The following ZNF442 variants were observed in gnomAD, a reference collection of about 807,000 sequenced individuals.
ZNF442 encodes zinc finger protein 442.
A neutral mutation model predicts 57.0 loss-of-function variants in ZNF442; 45 were observed. The observed-to-expected ratio is 0.79, with a 90% CI of 0.62 to 1.01. The LOEUF (loss-of-function observed/expected upper bound fraction) is 1.01. Ranked by LOEUF, ZNF442 falls within the 50% of genes least tolerant of loss-of-function variation. The pLI, the probability that ZNF442 is intolerant of heterozygous loss-of-function variation, is 0.00. For synonymous variants in ZNF442, 213 were observed against 241.8 expected, an observed-to-expected ratio of 0.88 and a Z score of 1.10; for missense variants, 690 against 756.5, an observed-to-expected ratio of 0.91 and a Z score of 1.03.
rs567286242 is a variant in ZNF442, at chr19:12,348,592, T to C, written c.*1109A>G. The C allele has an allele frequency of 3.3e-5, 5 of 152,300 alleles. No homozygotes were observed. Among genetic ancestry groups the C allele is most frequent in the Non-Finnish European group, 7.4e-5 (5 of 68,024 alleles). The allele number at this position is 152,300 out of a possible 1,614,324, so 9.4% of individuals were successfully genotyped here. A position where few individuals can be genotyped will look rare whatever the true frequency, so the allele number is the denominator to read the frequency against. On this transcript the variant is annotated 3_prime_UTR_variant, in exon 6 of 6. Coordinates refer to ENST00000242804, the MANE Select transcript of ZNF442 (RefSeq NM_030824.3). The stretch of plus-strand genomic sequence containing the variant: ...CATGCTGAACAGATTCTGACATTAG[T>C]ATTATTTAGTCTCTTCCAAACTCAG...
At position 12,350,169 on chromosome 19, in the gene ZNF442, G is replaced by T. The variant is rs1205783567; in HGVS notation, c.1416C>A (p.Phe472Leu). Reference sequence around the variant, plus strand: ...TTGTTTCATGATTTTGAAAGGAATAGAAATCAATAAAGGCTTTCCCACATT... The same window carrying T: ...TTGTTTCATGATTTTGAAAGGAATATAAATCAATAAAGGCTTTCCCACATT... Reference protein sequence around the residue: ...KCKCGKAFIDFYSFQNHETTH... With the variant: ...KCKCGKAFIDLYSFQNHETTH... The change falls in exon 6 of 6, where the codon TTC becomes TTA. Residue 472 changes from phenylalanine (F) to leucine (L), a missense_variant. By Grantham distance (22) the Phe-to-Leu change is conservative. Transcript: ENST00000242804. The T allele has an allele frequency of 1.2e-6, 2 of 1,613,652 alleles. No individual in the cohort carries two copies. Among genetic ancestry groups the T allele is most frequent in the Non-Finnish European group, 1.7e-6 (2 of 1,179,904 alleles).
chr19:12,353,009 T>C lies in ZNF442; in HGVS notation c.184A>G (p.Ile62Val), dbSNP rs1277351938. 2 of 1,610,772 alleles carry C rather than the reference T, an allele frequency of 1.2e-6. No homozygotes were observed. The highest frequency in any genetic ancestry group is 1.7e-6 in the Non-Finnish European group (2 of 1,179,182). ...SLYRDVMWET[I>V]RNLDCIGMKW... The stretch of plus-strand genomic sequence containing the variant: ...TTACCTATACAGTCCAGGTTCCTAA[T>C]GGTTTCCCACATCACATCTCTGTAC... The change falls in exon 4 of 6, where the codon ATT (isoleucine) becomes GTT (valine). Residue 62 changes from isoleucine to valine, a missense_variant. Transcript: ENST00000242804.
intron 3 of ZNF442, among the ~76,000 whole-genome samples, chr19:12,357,407 A>G (rs1186324050): frequency 1.5e-5 from 2 of 134,676 alleles, no homozygotes; most frequent in African/African-American, 2.8e-5. Context: ...GCTGGAGCGC[A>G]ATGGTGCAAT....
At chr19:12,352,874 G>A (rs1969266515) in intron 4 of ZNF442, 114 bp downstream of exon 4, 7 of 1,301,944 alleles carry the variant, frequency 5.4e-6, no homozygotes, top group Non-Finnish European at 7.3e-6. Context: ...TTAACCCTGT[G>A]TTGTTGAAGG....
chr19:12,364,108 A>C (rs955082613), intron 2 of ZNF442, among the ~76,000 whole-genome samples: 13 of 152,256 alleles, frequency 8.5e-5, no homozygotes, highest in East Asian at 5.8e-4. Flanking sequence ...TCAGGAACAC[A>C]AATCTTTTAA....
Position 12,349,026 on chromosome 19 carries a change from C to CAAAAAAAAAAAAAAAAAAA in ZNF442, c.*656_*674dup, listed in dbSNP as rs146226078. On this transcript the variant is annotated 3_prime_UTR_variant, in exon 6 of 6. Transcript: ENST00000242804. ...TGAAACCCCGTCTCTACTAAAAATACAAAAAAAAAAAAAAAAAAAAAAAAA... is the reference window on the plus strand; with the variant it reads ...TGAAACCCCGTCTCTACTAAAAATACAAAAAAAAAAAAAAAAAAAAAAAAAAAAAAAAAAAAAAAAAAAA... 3.4e-5 allele frequency: 2 copies of CAAAAAAAAAAAAAAAAAAA among 58,986 alleles called. No individual in the cohort carries two copies. The highest frequency in any genetic ancestry group is 5.1e-5 in the African/African-American group (1 of 19,482). 3.7% of individuals were successfully genotyped at this position (58,986 alleles called of 1,614,324 possible).
At position 12,359,999 on chromosome 19, in the gene ZNF442, C is replaced by G. The variant is rs138629698; in HGVS notation, c.78+3555G>C. 1.7e-3 allele frequency among the ~76,000 whole-genome samples: 260 copies of G among 152,032 alleles called. 1 individual carries two copies. The highest frequency in any genetic ancestry group is 6.2e-3 in the African/African-American group (256 of 41,484). On this transcript the variant is annotated intron_variant, in intron 3 of 5. Coordinates refer to ENST00000242804, the MANE Select transcript of ZNF442 (RefSeq NM_030824.3). ...TCTCAAGAAAAAAAAAAATCTGATT[C>G]TCACCCTCCATCCTGCCCTCCCCTT...
rs967535082 is a variant in ZNF442, at chr19:12,350,554, G to T, written c.1031C>A (p.Thr344Asn). 28 of 1,613,740 alleles carry T rather than the reference G, an allele frequency of 1.7e-5. No individual in the cohort carries two copies. The highest frequency in any genetic ancestry group is 3.3e-5 in the Admixed American group (2 of 59,970). The change falls in exon 6 of 6, where the codon ACT (threonine) becomes AAT (asparagine). Residue 344 changes from threonine to asparagine, a missense_variant. Transcript: ENST00000242804. Reference protein sequence around the residue: ...GSFQRHMIRHTGDGPHKCKIC... With the variant: ...GSFQRHMIRHNGDGPHKCKIC... The stretch of plus-strand genomic sequence containing the variant: ...CTTACATTTATGAGGTCCATCTCCA[G>T]TGTGCCTTATCATGTGTCTTTGAAA...
chr19:12,361,173 A>G (rs530205583), intron 3 of ZNF442, among the ~76,000 whole-genome samples: 136 of 152,308 alleles, frequency 8.9e-4, no homozygotes, highest in Non-Finnish European at 1.6e-3. Flanking sequence ...CCTGGGCAAC[A>G]AGAGTGAAAC....
upstream of ZNF442, among the ~76,000 whole-genome samples, chr19:12,367,731 C>T (rs532284668): frequency 3.3e-5 from 5 of 152,160 alleles, no homozygotes; most frequent in East Asian, 3.9e-4. Context: ...TGCAGTGGCA[C>T]AATCTCGGCT....
chr19:12,363,819 A>T, intron 2 of ZNF442, 148 bp from the exon 3 acceptor site: 2 of 604,216 alleles, frequency 3.3e-6, no homozygotes, highest in Non-Finnish European at 5.9e-6. Flanking sequence ...CACTGGGAGA[A>T]ATGACCCAGG....
chr19:12,366,625 AT>A (rs2144852998), upstream of ZNF442, among the ~76,000 whole-genome samples: 1 of 152,008 alleles, frequency 6.6e-6, no homozygotes, highest in South Asian at 2.1e-4. Flanking sequence ...CCTTATGCAC[AT>A]TTATTTTTAT....
At chr19:12,351,582 T>C (rs541906936) in intron 5 of ZNF442, among the ~76,000 whole-genome samples, 4 of 152,344 alleles carry the variant, frequency 2.6e-5, no homozygotes, top group East Asian at 3.9e-4. Context: ...CTCAGCTCAC[T>C]GCAACCTCCG....
At chr19:12,352,853 C>A in intron 4 of ZNF442, 135 bp downstream of exon 4, 1 of 1,053,704 alleles carries the variant, frequency 9.5e-7, no homozygotes, top group Non-Finnish European at 1.3e-6. Context: ...TGGTTGGGGA[C>A]CCAGCACCAC....
In ZNF442 at chr19:12,365,641, TAC is replaced by T. The variant is rs1253283863; in HGVS notation, c.-593_-592del. ...CTGACCTGCCAGGGCTTCTCTCAGC[TAC>T]AGAGCCAGGAGCGGGAGCTCAGAGG... On this transcript the variant is annotated 5_prime_UTR_variant, in exon 1 of 6. Transcript: ENST00000242804. 18 of 240,668 alleles carry T rather than the reference TAC, an allele frequency of 7.5e-5. No individual in the cohort carries two copies. In the South Asian group the frequency reaches 9.0e-4, roughly 12 times the overall value. The allele number at this position is 240,668 out of a possible 1,614,324, so 14.9% of individuals were successfully genotyped here.
At position 12,350,041 on chromosome 19, in the gene ZNF442, G is replaced by A; in HGVS notation, c.1544C>T (p.Pro515Leu). 6.2e-7 allele frequency: 1 copy of A among 1,613,546 alleles called. No individual in the cohort carries two copies. Among genetic ancestry groups the A allele is most frequent in the Non-Finnish European group, 8.5e-7 (1 of 1,179,936 alleles). Residue 515 changes from proline to leucine, a missense_variant, in exon 6 of 6, where the codon CCT (proline) becomes CTT (leucine). By Grantham distance (98) the Pro-to-Leu change is moderately conservative. Coordinates refer to ENST00000242804, the MANE Select transcript of ZNF442 (RefSeq NM_030824.3). The stretch of plus-strand genomic sequence containing the variant: ...TTTCTTACATGTTTTACATTCATAA[G>A]GTTTTTCAGCCATGTGAGTCCTTCT... ...QHRRTHMAEKPYECKTCKKAF... is the reference protein window; with the variant it reads ...QHRRTHMAEKLYECKTCKKAF...
chr19:12,370,645 C>G (rs1232041412), upstream of ZNF442, among the ~76,000 whole-genome samples: 1 of 151,842 alleles, frequency 6.6e-6, no homozygotes, highest in Non-Finnish European at 1.5e-5. Flanking sequence ...TAAAGATAAA[C>G]AGACTAGGAA....
At chr19:12,359,748 G>A (rs1400156224) in intron 3 of ZNF442, among the ~76,000 whole-genome samples, 1 of 152,138 alleles carries the variant, frequency 6.6e-6, no homozygotes, top group Non-Finnish European at 1.5e-5. Context: ...GGGAGGCTGA[G>A]GCAGGCAGAT....
Position 12,346,827 on chromosome 19 carries a change from A to C in ZNF442, c.*2874T>G, listed in dbSNP as rs940517934. The stretch of plus-strand genomic sequence containing the variant: ...ATAAACCTTGAAAACGTTCTAAGTG[A>C]AATAAGCCAGACATGGAAGGACACA... On this transcript the variant is annotated 3_prime_UTR_variant, in exon 6 of 6. Transcript: ENST00000242804. 3 of 152,242 alleles carry C rather than the reference A, an allele frequency of 2.0e-5. No homozygotes were observed. The highest frequency in any genetic ancestry group is 7.2e-5 in the African/African-American group (3 of 41,460). 9.4% of individuals were successfully genotyped at this position (152,242 alleles called of 1,614,324 possible).
Sources: gnomAD v4.1 joint callset for allele counts (sites outside exome capture counted in the v4.1 genomes callset) on GRCh38, gnomAD v4.1.1 for gene constraint, MANE v1.5 for transcripts, NCBI Gene and HGNC (gene_info 2026-07-23, HGNC 2026-07-21) for gene names.